The following OCIAD1 variants were observed in gnomAD, a reference collection of about 807,000 sequenced individuals.
OCIAD1 encodes the protein OCIA domain containing 1.
Under a neutral mutation model 38.9 loss-of-function variants are expected in OCIAD1, and 29 were observed. The observed-to-expected ratio is 0.74, with a 90% CI of 0.55 to 1.02. OCIAD1 has a LOEUF of 1.02. OCIAD1 is among the 50% of genes least tolerant of loss of function. The probability of loss-of-function intolerance (pLI) is 0.00; values close to 1 mark genes in which losing one functional copy is unlikely to be tolerated. For synonymous variants in OCIAD1, 110 were observed against 92.0 expected, an observed-to-expected ratio of 1.20 and a Z score of -1.12; for missense variants, 288 against 289.6, an observed-to-expected ratio of 0.99 and a Z score of 0.04.
chr4:48,832,979 G>A (rs749719317), intron 2 of OCIAD1, among the ~76,000 whole-genome samples: 2 of 152,092 alleles, frequency 1.3e-5, no homozygotes, highest in Non-Finnish European at 2.9e-5. Flanking sequence ...GGCCTGGCTC[G>A]GTGGCTCATG....
rs1553895822 is a variant in OCIAD1 at position 48,831,503 on chromosome 4, G to A, written c.-6+254G>A. On this transcript the variant is annotated intron_variant, in intron 1 of 8. Transcript: ENST00000264312. ...GCTCAGTCTGTAACGGCAGGTGGGA[G>A]ACGGACACTGGGTGGAGGATGGAGT... The A allele has an allele frequency of 3.6e-5, 46 of 1,290,604 alleles. 1 individual carries two copies. In the South Asian group the frequency reaches 5.3e-4, roughly 15 times the overall value. The allele number at this position is 1,290,604 out of a possible 1,614,324, so 79.9% of individuals were successfully genotyped here. A position where few individuals can be genotyped will look rare whatever the true frequency, so the allele number is the denominator to read the frequency against.
At chr4:48,850,503 C>T (rs1779343802) in intron 6 of OCIAD1, among the ~76,000 whole-genome samples, 1 of 152,204 alleles carries the variant, frequency 6.6e-6, no homozygotes, top group African/African-American at 2.4e-5. Context: ...TGGGCTCAAT[C>T]AGTCCTCCTG....
At chr4:48,831,645 C>G in intron 1 of OCIAD1, 4 of 915,086 alleles carry the variant, frequency 4.4e-6, no homozygotes, top group Non-Finnish European at 6.2e-6. Flanking sequence ...CCTGGTGTTT[C>G]TAGGAAGGAT....
At chr4:48,841,282 G>A (rs1234924140) in intron 3 of OCIAD1, among the ~76,000 whole-genome samples, 2 of 152,202 alleles carry the variant, frequency 1.3e-5, no homozygotes, top group Non-Finnish European at 2.9e-5. Flanking sequence ...GTCTGGAACA[G>A]CACTGTCCAG....
intron 1 of OCIAD1, among the ~76,000 whole-genome samples, chr4:48,819,716 CAAAAAAAAAAAAA>C (rs576081813): frequency 9.6e-5 from 1 of 10,446 alleles, no homozygotes; most frequent in Admixed American, 2.1e-3. Flanking sequence ...TTACCAAGCG[CAAAAAAAAAAAAA>C]AAAAAAAAAA....
chr4:48,860,525 A>C (rs1579130261), intron 8 of OCIAD1, among the ~76,000 whole-genome samples, 200 bp from the exon 9 acceptor site: 1 of 152,278 alleles, frequency 6.6e-6, no homozygotes, highest in Admixed American at 6.5e-5. Flanking sequence ...TATTTATGTA[A>C]AATTCTAGAT....
At chr4:48,813,158 C>G (rs1777108383) in intron 1 of OCIAD1, among the ~76,000 whole-genome samples, 1 of 152,300 alleles carries the variant, frequency 6.6e-6, no homozygotes, top group African/African-American at 2.4e-5. Flanking sequence ...CCGATTGCAT[C>G]TTTCAAGAAA....
chr4:48,828,728 C>T (rs556873939), upstream of OCIAD1, among the ~76,000 whole-genome samples: 43 of 152,320 alleles, frequency 2.8e-4, no homozygotes, highest in South Asian at 8.7e-3. Context: ...ACCACGAACC[C>T]ACCAGAAGGA....
intron 1 of OCIAD1, among the ~76,000 whole-genome samples, chr4:48,820,578 A>G (rs1231043713): frequency 6.6e-6 from 1 of 152,246 alleles, no homozygotes; most frequent in Non-Finnish European, 1.5e-5. Context: ...AGATAGAGAC[A>G]TGAAAAACCC....
At chr4:48,824,385 C>G (rs751111945) in intron 1 of OCIAD1, among the ~76,000 whole-genome samples, 2 of 151,526 alleles carry the variant, frequency 1.3e-5, no homozygotes, top group East Asian at 3.9e-4. Flanking sequence ...TTTTGTTTTT[C>G]TTTTTCTTTT....
At chr4:48,847,069 C>G (rs1423419228) in intron 4 of OCIAD1, among the ~76,000 whole-genome samples, 1 of 152,160 alleles carries the variant, frequency 6.6e-6, no homozygotes. Context: ...ACTATTTAGA[C>G]CAATGTATAC....
At chr4:48,810,095 G>A (rs1777069678) in intron 1 of OCIAD1, among the ~76,000 whole-genome samples, 1 of 152,056 alleles carries the variant, frequency 6.6e-6, no homozygotes, top group Non-Finnish European at 1.5e-5. Flanking sequence ...TTAGAACAGT[G>A]CCTGGTGCTT....
chr4:48,848,080 G>A (rs1779119900), intron 4 of OCIAD1, among the ~76,000 whole-genome samples: 1 of 149,872 alleles, frequency 6.7e-6, no homozygotes, highest in Admixed American at 6.6e-5. Flanking sequence ...AATTAATTCT[G>A]TCTTCTAAAA....
At chr4:48,828,443 C>G (rs1033127133), upstream of OCIAD1, among the ~76,000 whole-genome samples, 8 of 152,174 alleles carry the variant, frequency 5.3e-5, no homozygotes, top group African/African-American at 1.9e-4. Context: ...CAGCGGCAAC[C>G]CACTCAGGTC....
intron 1 of OCIAD1, among the ~76,000 whole-genome samples, chr4:48,811,525 A>G (rs572765177): frequency 1.5e-3 from 229 of 152,322 alleles, no homozygotes; most frequent in African/African-American, 5.4e-3. Flanking sequence ...CTTAGGCTCT[A>G]TGTAATTGCT....
upstream of OCIAD1, chr4:48,831,011 T>C (rs1777427915): frequency 5.6e-6 from 1 of 178,602 alleles, no homozygotes; most frequent in South Asian, 9.9e-5. Flanking sequence ...CCTAGGCTGC[T>C]GGCTCTCAGA....
chr4:48,831,296 C>T (rs151300483), intron 1 of OCIAD1, 47 bp downstream of exon 1: 7 of 359,324 alleles, frequency 1.9e-5, no homozygotes, highest in East Asian at 7.5e-5. Context: ...TCCGCGTATC[C>T]CCTCACCACC....
chr4:48,805,686 TAA>T (rs879741538), intron 1 of OCIAD1, among the ~76,000 whole-genome samples: 2 of 141,000 alleles, frequency 1.4e-5, no homozygotes, highest in African/African-American at 2.6e-5. Flanking sequence ...CCCCATCTCT[TAA>T]AAAAAAAAAA....
chr4:48,858,174 A>G (rs1780260562), intron 8 of OCIAD1, among the ~76,000 whole-genome samples: 1 of 152,118 alleles, frequency 6.6e-6, no homozygotes, highest in African/African-American at 2.4e-5. Flanking sequence ...CGCCAAAAAA[A>G]GGAAGAAAAT....
Sources: allele counts gnomAD v4.1 joint callset (sites outside exome capture counted in the v4.1 genomes callset), GRCh38; gene constraint gnomAD v4.1.1; transcripts MANE v1.5; gene names NCBI Gene and HGNC (gene_info 2026-07-23, HGNC 2026-07-21).